The following CDK1 variants were observed in gnomAD, a reference collection of about 807,000 sequenced individuals.
CDK1 encodes cyclin-dependent kinase 1.
A neutral mutation model predicts 34.6 loss-of-function variants in CDK1; 5 were observed. The ratio of observed to expected loss-of-function variants is 0.14; its 90% CI spans 0.08 to 0.30. CDK1 has a LOEUF of 0.30. Ranked by LOEUF, CDK1 falls within the 10% of genes least tolerant of loss-of-function variation. The pLI, the probability that CDK1 is intolerant of heterozygous loss-of-function variation, is 1.00. For missense variants in CDK1, 157 were observed against 345.7 expected (o/e 0.45, Z 4.33); for synonymous variants, 108 against 114.7 (o/e 0.94, Z 0.37).
intron 2 of CDK1, among the ~76,000 whole-genome samples, chr10:60,780,724 CTT>C (rs2080265981): frequency 6.6e-6 from 1 of 152,082 alleles, no homozygotes; most frequent in African/African-American, 2.4e-5. Flanking sequence ...AAAATTATAA[CTT>C]ATGTATATAA....
At chr10:60,792,907 G>A (rs1312408838) in intron 7 of CDK1, among the ~76,000 whole-genome samples, 2 of 152,044 alleles carry the variant, frequency 1.3e-5, no homozygotes, top group South Asian at 4.1e-4. Flanking sequence ...TGCTGGCATT[G>A]TTCTGTGCAT....
chr10:60,788,332 A>C, intron 5 of CDK1, 102 bp downstream of exon 5: 1 of 822,972 alleles, frequency 1.2e-6, no homozygotes. Context: ...AAAGATATCT[A>C]CTCTGTGGCA....
At chr10:60,785,854 C>G in intron 4 of CDK1, 67 bp downstream of exon 4, 1 of 1,387,436 alleles carries the variant, frequency 7.2e-7, no homozygotes. Context: ...ATATAGAAGT[C>G]CCTGCATTTT....
chr10:60,780,996 AG>A (rs2080268114), intron 2 of CDK1, among the ~76,000 whole-genome samples: 1 of 152,154 alleles, frequency 6.6e-6, no homozygotes, highest in South Asian at 2.1e-4. Flanking sequence ...TTAGTGGAAT[AG>A]GAGTGACAAG....
chr10:60,780,092 C>T, intron 1 of CDK1, 49 bp from the exon 2 acceptor site: 1 of 869,114 alleles, frequency 1.2e-6, no homozygotes, highest in Non-Finnish European at 2.0e-6. Flanking sequence ...ATGCTTAAAA[C>T]TACTCGAGTT....
intron 6 of CDK1, 44 bp downstream of exon 6, chr10:60,792,097 C>T (rs1291182982): frequency 1.3e-6 from 2 of 1,596,992 alleles, no homozygotes; most frequent in East Asian, 2.2e-5. Flanking sequence ...ATATATGTAA[C>T]AATGAGATTA....
rs2080363130 is a variant in CDK1, at chr10:60,791,949, T to C, written c.549T>C (p.Thr183=). ...TGCTGGGGTCAGCTCGTTACTCAAC[T>C]CCAGTTGACATTTGGAGTATAGGCA... is the stretch of plus-strand genomic sequence containing the variant. The part of the protein sequence containing the change: ...EVLLGSARYS[T]PVDIWSIGTI... Residue 183 remains threonine (T), a synonymous_variant, in exon 6 of 8, where the codon ACT becomes ACC. Transcript: ENST00000395284. 6.2e-7 allele frequency: 1 copy of C among 1,612,346 alleles called. No homozygotes were observed. Among genetic ancestry groups the C allele is most frequent in the Admixed American group, 1.7e-5 (1 of 59,940 alleles).
chr10:60,792,090 T>C, intron 6 of CDK1, 37 bp downstream of exon 6: 4 of 1,599,062 alleles, frequency 2.5e-6, no homozygotes, highest in Non-Finnish European at 3.4e-6. Context: ...AGGTAACATA[T>C]ATGTAACAAT....
At chr10:60,792,448 G>A (rs1260578510) in intron 7 of CDK1, among the ~76,000 whole-genome samples, 159 bp downstream of exon 7, 1 of 152,020 alleles carries the variant, frequency 6.6e-6, no homozygotes, top group African/African-American at 2.4e-5. Flanking sequence ...ATATCAGGAG[G>A]CACTAGTGGC....
chr10:60,781,045 C>CAT (rs970205478), intron 2 of CDK1, among the ~76,000 whole-genome samples: 17 of 118,154 alleles, frequency 1.4e-4, no homozygotes, highest in African/African-American at 5.3e-4. Context: ...TGTGTGTATA[C>CAT]ATATATATAT....
chr10:60,793,848 T>C, intron 7 of CDK1, 29 bp from the exon 8 acceptor site: 1 of 1,264,476 alleles, frequency 7.9e-7, no homozygotes. Flanking sequence ...ATTTCCTAAA[T>C]AAATATCTCT....
At chr10:60,779,031 T>C (rs1004299750) in intron 1 of CDK1, among the ~76,000 whole-genome samples, 3 of 152,180 alleles carry the variant, frequency 2.0e-5, no homozygotes, top group Non-Finnish European at 4.4e-5. Flanking sequence ...CGCGGGTCCC[T>C]AGAGCCAGGC....
intron 5 of CDK1, among the ~76,000 whole-genome samples, chr10:60,790,107 C>T (rs540072660): frequency 6.6e-5 from 10 of 151,964 alleles, no homozygotes; most frequent in African/African-American, 2.2e-4. Flanking sequence ...TTTTTTTATT[C>T]TGGATGTTAA....
chr10:60,786,976 C>T (rs2080322043), intron 4 of CDK1: 7 of 982,150 alleles, frequency 7.1e-6, no homozygotes, highest in African/African-American at 1.8e-5. Flanking sequence ...TTAGTAAGTC[C>T]TGTCTTCCAC....
chr10:60,787,019 G>T, intron 4 of CDK1: 1 of 983,006 alleles, frequency 1.0e-6, no homozygotes, highest in Non-Finnish European at 1.2e-6. Context: ...TCTGTATTAA[G>T]ATTTATTTTG....
At chr10:60,783,290 A>G (rs2080288239) in intron 2 of CDK1, among the ~76,000 whole-genome samples, 1 of 152,214 alleles carries the variant, frequency 6.6e-6, no homozygotes, top group South Asian at 2.1e-4. Flanking sequence ...ATTTAATCAA[A>G]ATAGTATAAA....
At chr10:60,786,825 C>T (rs1589112430) in intron 4 of CDK1, 1 of 935,144 alleles carries the variant, frequency 1.1e-6, no homozygotes, top group South Asian at 4.9e-5. Flanking sequence ...CTATTATAAA[C>T]CGCCTATATT....
chr10:60,783,158 A>T (rs1363114087), intron 2 of CDK1, among the ~76,000 whole-genome samples: 1 of 152,180 alleles, frequency 6.6e-6, no homozygotes, highest in Admixed American at 6.5e-5. Context: ...ATCCAAAAAA[A>T]TGTAGATTTT....
chr10:60,781,924 G>A (rs2080276782), intron 2 of CDK1, among the ~76,000 whole-genome samples: 1 of 152,064 alleles, frequency 6.6e-6, no homozygotes, highest in Non-Finnish European at 1.5e-5. Context: ...TGTTTTCCTT[G>A]TTTGCTCTTC....
Sources: allele counts gnomAD v4.1 joint callset (sites outside exome capture counted in the v4.1 genomes callset), GRCh38; gene constraint gnomAD v4.1.1; transcripts MANE v1.5; gene names NCBI Gene and HGNC (gene_info 2026-07-23, HGNC 2026-07-21).